Variants in MCRS1 observed in about 807,000 individuals in gnomAD.
MCRS1 encodes the protein microspherule protein 1.
MCRS1 carries 22 observed loss-of-function variants against 62.9 expected under a neutral mutation model. The ratio of observed to expected loss-of-function variants is 0.35; its 90% CI spans 0.25 to 0.50. The LOEUF (loss-of-function observed/expected upper bound fraction) is 0.50, where lower values mean the gene tolerates loss of function less well. Among genes scored for constraint, MCRS1 ranks in the 20% least tolerant of loss-of-function variants. The pLI, the probability that MCRS1 is intolerant of heterozygous loss-of-function variation, is 0.98. For synonymous variants in MCRS1, 244 were observed against 233.5 expected, an observed-to-expected ratio of 1.04 and a Z score of -0.41; for missense variants, 456 against 601.1, an observed-to-expected ratio of 0.76 and a Z score of 2.52.
intron 7 of MCRS1, 85 bp from the exon 8 acceptor site, chr12:49,563,224 AT>A (rs1213466184): frequency 9.9e-6 from 15 of 1,522,464 alleles, no homozygotes; most frequent in Non-Finnish European, 1.3e-5. Flanking sequence ...CCACCTCAGC[AT>A]CCCCCAGGAG....
chr12:49,559,376 G>A lies in MCRS1; in HGVS notation c.1087-75C>T. 6.2e-7 allele frequency: 1 copy of A among 1,607,670 alleles called. No individual in the cohort carries two copies. Among genetic ancestry groups the A allele is most frequent in the South Asian group, 1.1e-5 (1 of 90,950 alleles). ...AGGTCTATGCAGGCCAGAGAAAGAT[G>A]GGAAACCAAGGACTACGCAGAGAAA... On this transcript the variant is annotated intron_variant, in intron 12 of 14. Transcript: ENST00000343810. This position sits in a 1 kb window ranked among gnomAD's most constrained non-coding sequence, Gnocchi z 5.2.
intron 3 of MCRS1, 52 bp downstream of exon 3, chr12:49,566,025 G>A (rs765226947): frequency 7.6e-6 from 12 of 1,575,938 alleles, no homozygotes; most frequent in Admixed American, 1.8e-5. Flanking sequence ...GGCACTTAAC[G>A]CCACAGACCT....
chr12:49,560,712 G>C (rs536373208), intron 8 of MCRS1, among the ~76,000 whole-genome samples: 5 of 152,270 alleles, frequency 3.3e-5, no homozygotes, highest in African/African-American at 1.2e-4. Context: ...ACAGGAGAGG[G>C]GTTAAACTAT....
Position 49,566,716 on chromosome 12 carries a change from T to C in MCRS1, c.10+6A>G, listed in dbSNP as rs774333328. The C allele has an allele frequency of 1.2e-6, 2 of 1,613,382 alleles. No homozygotes were observed. Among genetic ancestry groups the C allele is most frequent in the East Asian group, 2.2e-5 (1 of 44,884 alleles). ...CATTTGGGGAGCTGTCCCGGCCTCA[T>C]ACTACCTTTGTCCATCCTCTTACAG... On this transcript the variant is annotated splice_donor_region_variant and intron_variant, in intron 2 of 14. Coordinates refer to ENST00000343810, the MANE Select transcript of MCRS1 (RefSeq NM_006337.5).
chr12:49,562,163 A>C (rs774781577), intron 8 of MCRS1, among the ~76,000 whole-genome samples: 1 of 152,200 alleles, frequency 6.6e-6, no homozygotes, highest in Non-Finnish European at 1.5e-5. Context: ...CCTTTTTCCT[A>C]AGCAGAAGCT....
chr12:49,565,390 G>A (rs541607434), intron 4 of MCRS1, 139 bp downstream of exon 4: 6 of 1,500,954 alleles, frequency 4.0e-6, no homozygotes, highest in Middle Eastern at 1.8e-4. Flanking sequence ...TCCCAGGAGG[G>A]GGGCATCTGA....
rs145685896 is a variant in MCRS1 at position 49,559,523 on chromosome 12, G to A, written c.1016C>T (p.Pro339Leu). The A allele has an allele frequency of 8.7e-6, 14 of 1,610,756 alleles. No homozygotes were observed. The highest frequency in any genetic ancestry group is 1.6e-4 in the Middle Eastern group (1 of 6,082). Residue 339 changes from proline (P) to leucine (L), a missense_variant, in exon 12 of 15, where the codon CCG becomes CTG. Physicochemically the swap from Pro to Leu is moderately conservative, Grantham distance 98. Around this residue, in one of 3 missense-constraint regions of MCRS1, gnomAD observed 393 missense variants for 523.5 expected, o/e 0.75. Transcript: ENST00000343810. The surrounding 1 kb of genome is among the most constrained non-coding windows in gnomAD (Gnocchi z 5.2). ...TGCCAGTGTCTGGTTGTCGAAGTCC[G>A]GAGAGCTCATGCCTGGGAGAAGAGG... is the stretch of plus-strand genomic sequence containing the variant. ...LVDSITGMSS[P>L]DFDNQTLAVL...
chr12:49,558,963 G>C lies in MCRS1; in HGVS notation c.1182C>G (p.Ile394Met), dbSNP rs1158800842. 2 of 1,611,788 alleles carry C rather than the reference G, an allele frequency of 1.2e-6. No homozygotes were observed. Among genetic ancestry groups the C allele is most frequent in the Admixed American group, 1.7e-5 (1 of 60,018 alleles). The change falls in exon 14 of 15, where the codon ATC becomes ATG. Residue 394 changes from isoleucine (I) to methionine (M), a missense_variant. This residue lies in a region of MCRS1 where 393 missense variants were observed against 523.5 expected (regional missense o/e 0.75). Transcript: ENST00000343810. ...AGAAATCACCGTTGTTCTTCAGCTT[G>C]ATGACACCTGTGGAAGCAGAAAGAA... ...AWKISRKQGV[I>M]KLKNNGDFFI... is the part of the protein sequence containing the mutation.
chr12:49,566,875 G>A (rs1233300623), intron 1 of MCRS1, 34 bp from the exon 2 acceptor site: 4 of 1,124,154 alleles, frequency 3.6e-6, no homozygotes, highest in South Asian at 1.3e-5. Flanking sequence ...CTGAGGCTCA[G>A]ATTTCCAACT....
At position 49,565,478 on chromosome 12, in the gene MCRS1, A is replaced by G. The variant is rs1406784596; in HGVS notation, c.288+51T>C. The stretch of plus-strand genomic sequence containing the variant: ...TGGCAGCTGGCAAAGGTTCTGGGGA[A>G]ACATGAAATCTGGCACTACCTCCCA... On this transcript the variant is annotated intron_variant, in intron 4 of 14. Transcript: ENST00000343810. 3 of 1,544,408 alleles carry G rather than the reference A, an allele frequency of 1.9e-6. No homozygotes were observed. In the African/African-American group the frequency reaches 4.1e-5, roughly 21 times the overall value.
Position 49,559,929 on chromosome 12 carries a change from C to A in MCRS1, c.910+10G>T. On this transcript the variant is annotated intron_variant, in intron 10 of 14. Coordinates refer to ENST00000343810, the MANE Select transcript of MCRS1 (RefSeq NM_006337.5). This position sits in a 1 kb window ranked among gnomAD's most constrained non-coding sequence, Gnocchi z 5.2. ...TCCATCCCCTCACCACCCCATGAGGCCATACTTACCATGTTCCAGGACCTC... is the reference window on the plus strand; with the variant it reads ...TCCATCCCCTCACCACCCCATGAGGACATACTTACCATGTTCCAGGACCTC... 1 of 1,614,168 alleles carries A rather than the reference C, an allele frequency of 6.2e-7. No homozygotes were observed. The highest frequency in any genetic ancestry group is 2.2e-5 in the East Asian group (1 of 44,880).
chr12:49,560,438 A>T, intron 8 of MCRS1, 68 bp from the exon 9 acceptor site: 1 of 1,438,900 alleles, frequency 6.9e-7, no homozygotes, highest in Non-Finnish European at 9.8e-7. Flanking sequence ...GCGGACCACT[A>T]AGCCAAGTGG....
chr12:49,561,450 T>A (rs186759661), intron 8 of MCRS1, among the ~76,000 whole-genome samples: 3 of 152,316 alleles, frequency 2.0e-5, no homozygotes, highest in Admixed American at 2.0e-4. Context: ...ACGAATCTCA[T>A]CTTCCGCTGA....
intron 8 of MCRS1, 36 bp from the exon 9 acceptor site, chr12:49,560,406 G>T (rs765602762): frequency 1.2e-6 from 2 of 1,601,058 alleles, no homozygotes; most frequent in Non-Finnish European, 1.7e-6. Flanking sequence ...AGCACCAAGG[G>T]TCTTGCTGAA....
Position 49,559,958 on chromosome 12 carries a change from T to C in MCRS1, c.891A>G (p.Arg297=). The change falls in exon 10 of 15, where the codon CGA becomes CGG. Residue 297 remains arginine (R), a synonymous_variant. Transcript: ENST00000343810. This position sits in a 1 kb window ranked among gnomAD's most constrained non-coding sequence, Gnocchi z 5.2. ...ACTTACCATGTTCCAGGACCTCATC[T>C]CGCATGTCCCTGAGGGGCAAGAAGA... The part of the protein sequence containing the change: ...LIDDSKLKDM[R]DEVLEHELMV... The C allele has an allele frequency of 1.9e-6, 3 of 1,614,144 alleles. No homozygotes were observed. The highest frequency in any genetic ancestry group is 2.5e-6 in the Non-Finnish European group (3 of 1,180,008).
chr12:49,558,503 C>A lies in MCRS1; in HGVS notation c.*140G>T. 1 of 832,636 alleles carries A rather than the reference C, an allele frequency of 1.2e-6. No individual in the cohort carries two copies. Among genetic ancestry groups the A allele is most frequent in the Non-Finnish European group, 1.8e-6 (1 of 540,966 alleles). The allele number at this position is 832,636 out of a possible 1,614,324, so 51.6% of individuals were successfully genotyped here. ...CTTCACAAAGGCCAGCCCTATCCTC[C>A]CTCAAAGGCTCAAATCAATGGCCCG... On this transcript the variant is annotated 3_prime_UTR_variant, in exon 15 of 15. Coordinates refer to ENST00000343810, the MANE Select transcript of MCRS1 (RefSeq NM_006337.5).
chr12:49,568,129 G>A lies in MCRS1; in HGVS notation c.-192C>T, dbSNP rs1232494147. On this transcript the variant is annotated 5_prime_UTR_variant, in exon 1 of 15. The change creates a new upstream start codon in the 5' untranslated region. Transcript: ENST00000343810. ...GCCAAAGCCGGCTTCCGTGAGGTAC[G>A]TCTACTTCCGGTTAACGAACCAGGG... 2 of 152,236 alleles carry A rather than the reference G, an allele frequency of 1.3e-5. No individual in the cohort carries two copies. The highest frequency in any genetic ancestry group is 1.3e-4 in the Admixed American group (2 of 15,288). 9.4% of individuals were successfully genotyped at this position (152,236 alleles called of 1,614,324 possible). A position where few individuals can be genotyped will look rare whatever the true frequency, so the allele number is the denominator to read the frequency against.
chr12:49,562,354 T>C (rs896478368), intron 8 of MCRS1, among the ~76,000 whole-genome samples: 3 of 152,258 alleles, frequency 2.0e-5, no homozygotes, highest in African/African-American at 7.2e-5. Flanking sequence ...CACACTGTTT[T>C]CTTACCCCAT....
chr12:49,566,609 G>C (rs1418974086), intron 2 of MCRS1, 113 bp downstream of exon 2: 2 of 1,536,612 alleles, frequency 1.3e-6, no homozygotes, highest in East Asian at 2.4e-5. Flanking sequence ...GCTGGCCCAG[G>C]GGGAGGTGGC....
Sources: allele counts gnomAD v4.1 joint callset (sites outside exome capture counted in the v4.1 genomes callset), GRCh38; gene constraint gnomAD v4.1.1; regional missense constraint gnomAD v4.1.1; non-coding constraint Gnocchi (gnomAD v3.1); transcripts MANE v1.5; gene names NCBI Gene and HGNC (gene_info 2026-07-23, HGNC 2026-07-21).